CPAMD8: variants seen among roughly 807,000 people sequenced by gnomAD.
CPAMD8 encodes the protein C3 and PZP-like alpha-2-macroglobulin domain-containing protein 8.
CPAMD8 carries 146 observed loss-of-function variants against 224.7 expected under a neutral mutation model. That is an observed-to-expected ratio of 0.65 (90% CI 0.57 to 0.75). The LOEUF (loss-of-function observed/expected upper bound fraction) is 0.75, where lower values mean the gene tolerates loss of function less well. CPAMD8 is among the 30% of genes least tolerant of loss of function. The pLI is 0.00. For missense variants in CPAMD8, 2,301 were observed against 2,537.5 expected, an observed-to-expected ratio of 0.91 and a Z score of 2.00; for synonymous variants, 966 against 1,044.6, an observed-to-expected ratio of 0.92 and a Z score of 1.45.
chr19:16,925,692 G>A (rs2053334518), intron 25 of CPAMD8, among the ~76,000 whole-genome samples: 1 of 152,010 alleles, frequency 6.6e-6, no homozygotes, highest in Admixed American at 6.6e-5. Flanking sequence ...TACAACTTTG[G>A]TTGCATCCTA....
At chr19:16,893,524 C>CCTG in intron 41 of CPAMD8, 185 bp from the exon 42 acceptor site, 2 of 540,328 alleles carry the variant, frequency 3.7e-6, no homozygotes, top group South Asian at 2.9e-5. Flanking sequence ...GAGATCAGGG[C>CCTG]TGAGCGGTGT....
chr19:16,953,469 G>A (rs2054361695), intron 19 of CPAMD8, among the ~76,000 whole-genome samples: 1 of 152,060 alleles, frequency 6.6e-6, no homozygotes, highest in South Asian at 2.1e-4. Flanking sequence ...GGAGGCCAAG[G>A]AAGGAGGATC....
chr19:16,997,269 G>A lies in CPAMD8; in HGVS notation c.937C>T (p.Arg313Trp), dbSNP rs769151343. The A allele has an allele frequency of 1.7e-5, 27 of 1,566,858 alleles. No individual in the cohort carries two copies. Among genetic ancestry groups the A allele is most frequent in the East Asian group, 4.5e-5 (2 of 44,346 alleles). The change falls in exon 11 of 42, where the codon CGG becomes TGG. Residue 313 changes from arginine to tryptophan, a missense_variant. This residue lies in a region of CPAMD8 where 301 missense variants were observed against 406.6 expected (regional missense o/e 0.74). Transcript: ENST00000443236. ...ATGGCCCAGATGCTGACCCTGCCCC[G>A]GAAGTGCTCAGGGACGTCCGCTGGG... Reference protein sequence around the residue: ...MIPADVPEHFRGRVSIWAMVT... With the variant: ...MIPADVPEHFWGRVSIWAMVT...
intron 7 of CPAMD8, among the ~76,000 whole-genome samples, chr19:17,004,894 T>G (rs11086048): frequency 4.7e-5 from 7 of 147,472 alleles, no homozygotes; most frequent in African/African-American, 1.5e-4. Context: ...GTCCCCCAGA[T>G]ACTGCCAATA....
intron 1 of CPAMD8, among the ~76,000 whole-genome samples, chr19:17,026,038 T>G (rs915269295): frequency 2.0e-5 from 3 of 152,138 alleles, no homozygotes; most frequent in Non-Finnish European, 4.4e-5. Context: ...TTTAGAAATA[T>G]TCTCTGTGAA....
At chr19:16,962,594 T>C (rs2054693119) in intron 18 of CPAMD8, among the ~76,000 whole-genome samples, 1 of 152,000 alleles carries the variant, frequency 6.6e-6, no homozygotes, top group African/African-American at 2.4e-5. Flanking sequence ...ATGGGGAGAA[T>C]GGAACCAAGT....
At chr19:16,997,006 AG>A in intron 11 of CPAMD8, 104 bp downstream of exon 11, 1 of 736,874 alleles carries the variant, frequency 1.4e-6, no homozygotes, top group Non-Finnish European at 2.4e-6. Flanking sequence ...AGGTTATGTC[AG>A]GGGATCCGTT....
chr19:16,906,191 C>A (rs533349700), intron 30 of CPAMD8, among the ~76,000 whole-genome samples: 1 of 152,066 alleles, frequency 6.6e-6, no homozygotes, highest in South Asian at 2.1e-4. Context: ...CTAGCAGATG[C>A]GATAATGAAT....
Position 17,018,466 on chromosome 19 carries a change from T to A in CPAMD8, c.267+1865A>T, listed in dbSNP as rs2056867620. Reference sequence around the variant, plus strand: ...GACACAGCAAGACCCAGTGAGAGGCTTGGGTCCTGCTGGTAATTCTTCAAT... The same window carrying A: ...GACACAGCAAGACCCAGTGAGAGGCATGGGTCCTGCTGGTAATTCTTCAAT... On this transcript the variant is annotated intron_variant, in intron 3 of 41. Coordinates refer to ENST00000443236, the MANE Select transcript of CPAMD8 (RefSeq NM_015692.5). Among the ~76,000 whole-genome samples the A allele has an allele frequency of 2.6e-5, 4 of 152,124 alleles. No individual in the cohort carries two copies. In the South Asian group the frequency reaches 8.3e-4, roughly 31 times the overall value.
At position 17,000,396 on chromosome 19, in the gene CPAMD8, G is replaced by A; in HGVS notation, c.867+18C>T. ...CTGGGGGTTGGGTCAGGGGGTAGAAGGGGTCCCTGTTTCTCACCTTGGTTG... is the reference window on the plus strand; with the variant it reads ...CTGGGGGTTGGGTCAGGGGGTAGAAAGGGTCCCTGTTTCTCACCTTGGTTG... On this transcript the variant is annotated intron_variant, in intron 10 of 41. Transcript: ENST00000443236. 1.0e-6 allele frequency: 1 copy of A among 990,442 alleles called. No homozygotes were observed. The highest frequency in any genetic ancestry group is 1.3e-5 in the South Asian group (1 of 78,344). 61.4% of individuals were successfully genotyped at this position (990,442 alleles called of 1,614,324 possible). A position where few individuals can be genotyped will look rare whatever the true frequency, so the allele number is the denominator to read the frequency against.
Position 16,896,293 on chromosome 19 carries a change from T to C in CPAMD8, c.5309A>G (p.Tyr1770Cys). Residue 1770 changes from tyrosine to cysteine, a missense_variant, in exon 41 of 42, where the codon TAC becomes TGC. Coordinates refer to ENST00000443236, the MANE Select transcript of CPAMD8 (RefSeq NM_015692.5). ...GGCCACAGAAGCCAGGTCATCCCCG[T>C]AGGTGGAGGACGACGAGGCCGGCAG... Reference protein sequence around the residue: ...QRLPASSSSTYGDDLASVAPG... With the variant: ...QRLPASSSSTCGDDLASVAPG... 6.2e-7 allele frequency: 1 copy of C among 1,611,948 alleles called. No homozygotes were observed. The highest frequency in any genetic ancestry group is 8.5e-7 in the Non-Finnish European group (1 of 1,179,494).
chr19:16,989,195 C>A (rs1396703531), intron 13 of CPAMD8, among the ~76,000 whole-genome samples: 1 of 152,056 alleles, frequency 6.6e-6, no homozygotes, highest in Non-Finnish European at 1.5e-5. Flanking sequence ...TGAAACCATC[C>A]CCCGTGCCCG....
chr19:17,009,465 C>T, intron 5 of CPAMD8, 145 bp from the exon 6 acceptor site: 1 of 1,399,582 alleles, frequency 7.1e-7, no homozygotes, highest in Non-Finnish European at 9.8e-7. Flanking sequence ...TCCGTTGAAT[C>T]CTAACCCCAA....
At chr19:16,964,464 C>T (rs1241546597) in intron 18 of CPAMD8, among the ~76,000 whole-genome samples, 2 of 152,178 alleles carry the variant, frequency 1.3e-5, no homozygotes, top group Non-Finnish European at 1.5e-5. Context: ...TTCCTGGACA[C>T]ATACACCCTC....
At chr19:16,965,142 C>G (rs1323383471) in intron 18 of CPAMD8, among the ~76,000 whole-genome samples, 2 of 151,846 alleles carry the variant, frequency 1.3e-5, no homozygotes, top group African/African-American at 4.8e-5. Flanking sequence ...CGCCTGTAGT[C>G]CCAGCTACTC....
At chr19:16,909,233 A>G (rs1410162040) in intron 29 of CPAMD8, among the ~76,000 whole-genome samples, 4 of 152,310 alleles carry the variant, frequency 2.6e-5, no homozygotes, top group African/African-American at 9.6e-5. Context: ...CCTCAAATCC[A>G]ATGACAAATA....
intron 2 of CPAMD8, among the ~76,000 whole-genome samples, chr19:17,021,403 G>A (rs902216545): frequency 3.3e-5 from 5 of 152,174 alleles, no homozygotes; most frequent in African/African-American, 7.2e-5. Flanking sequence ...ACCTCCCTAA[G>A]AGACAAGTGC....
chr19:16,897,526 C>A, intron 39 of CPAMD8, 165 bp downstream of exon 39: 2 of 567,678 alleles, frequency 3.5e-6, no homozygotes, highest in Non-Finnish European at 6.2e-6. Flanking sequence ...AGCCCCGCCT[C>A]CCCCGTACAG....
intron 6 of CPAMD8, 93 bp downstream of exon 6, chr19:17,009,210 A>G (rs1372313142): frequency 6.2e-7 from 1 of 1,608,616 alleles, no homozygotes; most frequent in Non-Finnish European, 8.5e-7. Context: ...CTCAACCCAG[A>G]AGGCAGACAG....
Sources: allele counts gnomAD v4.1 joint callset (sites outside exome capture counted in the v4.1 genomes callset), GRCh38; gene constraint gnomAD v4.1.1; regional missense constraint gnomAD v4.1.1; transcripts MANE v1.5; gene names NCBI Gene and HGNC (gene_info 2026-07-23, HGNC 2026-07-21).